RAD54L: variants seen among roughly 807,000 people sequenced by gnomAD.
The protein encoded by RAD54L is DNA repair and recombination protein RAD54-like.
In RAD54L, 74 loss-of-function variants were observed where a neutral mutation model predicts 91.6. That is an observed-to-expected ratio of 0.81 (90% CI 0.67 to 0.98). The LOEUF is 0.98. Ranked by LOEUF, RAD54L falls within the 50% of genes least tolerant of loss-of-function variation. The pLI is 0.00. For missense variants in RAD54L, 887 were observed against 945.7 expected (o/e 0.94, Z 0.81); for synonymous variants, 304 against 349.7 (o/e 0.87, Z 1.46).
intron 8 of RAD54L, among the ~76,000 whole-genome samples, chr1:46,266,432 TG>T (rs1660268421): frequency 1.3e-5 from 2 of 152,228 alleles, no homozygotes; most frequent in South Asian, 2.1e-4. Context: ...TTCCCCAGTA[TG>T]GGGCTGGATG....
In RAD54L at chr1:46,265,162, G is replaced by A. The variant is rs1335047790; in HGVS notation, c.892-2297G>A. 6.6e-6 allele frequency among the ~76,000 whole-genome samples: 1 copy of A among 150,910 alleles called. No individual in the cohort carries two copies. The highest frequency in any genetic ancestry group is 1.5e-5 in the Non-Finnish European group (1 of 67,724). On this transcript the variant is annotated intron_variant, in intron 8 of 17. Transcript: ENST00000371975. The surrounding 1 kb of genome is among the most constrained non-coding windows in gnomAD (Gnocchi z 4.8). Reference sequence around the variant, plus strand: ...AGGCTTTTTTTAGGGCTAGTACTTGGAGCCTCTAATAATTTTTTTTTTCTT... The same window carrying A: ...AGGCTTTTTTTAGGGCTAGTACTTGAAGCCTCTAATAATTTTTTTTTTCTT...
At position 46,260,872 on chromosome 1, in the gene RAD54L, A is replaced by G. The variant is rs766316711; in HGVS notation, c.623A>G (p.Lys208Arg). The G allele has an allele frequency of 6.2e-7, 1 of 1,614,238 alleles. No homozygotes were observed. The highest frequency in any genetic ancestry group is 8.5e-7 in the Non-Finnish European group (1 of 1,180,038). The change falls in exon 7 of 18, where the codon AAG becomes AGG. Residue 208 changes from lysine to arginine, a missense_variant. Physicochemically the swap from Lys to Arg is conservative, Grantham distance 26. Coordinates refer to ENST00000371975, the MANE Select transcript of RAD54L (RefSeq NM_003579.4). Reference protein sequence around the residue: ...WTLLRQSPECKPEIDKAVVVS... With the variant: ...WTLLRQSPECRPEIDKAVVVS... ...CTTTTACGCCAGAGTCCAGAGTGCA[A>G]GCCAGAAATTGACAAGGCAGTGGTG...
Position 46,273,692 on chromosome 1 carries a change from G to T in RAD54L, c.1555G>T (p.Val519Leu). The part of the protein sequence containing the change: ...RSRSSDKVVL[V>L]SNYTQTLDLF... ...CCGTAGCAGTGACAAAGTAGTGCTGGTGTCGAATTACACCCAGACTTTGGA... is the reference window on the plus strand; with the variant it reads ...CCGTAGCAGTGACAAAGTAGTGCTGTTGTCGAATTACACCCAGACTTTGGA... The change falls in exon 14 of 18, where the codon GTG (valine) becomes TTG (leucine). Residue 519 changes from valine to leucine, a missense_variant. Transcript: ENST00000371975. 6.2e-7 allele frequency: 1 copy of T among 1,613,738 alleles called. No individual in the cohort carries two copies. Among genetic ancestry groups the T allele is most frequent in the Non-Finnish European group, 8.5e-7 (1 of 1,179,890 alleles).
chr1:46,273,884 G>C lies in RAD54L; in HGVS notation c.1610+137G>C, dbSNP rs978126669. 8.6e-5 allele frequency: 112 copies of C among 1,303,574 alleles called. 2 individuals carry two copies. Among genetic ancestry groups the C allele is most frequent in the Admixed American group, 3.8e-4 (19 of 50,536 alleles). 80.8% of individuals were successfully genotyped at this position (1,303,574 alleles called of 1,614,324 possible). A position where few individuals can be genotyped will look rare whatever the true frequency, so the allele number is the denominator to read the frequency against. On this transcript the variant is annotated intron_variant, in intron 14 of 17. Transcript: ENST00000371975. ...TGGAGATATCTTCCCTTATTGCTATGATGGCCTCAGCTCTATCTCCAAGTA... is the reference window on the plus strand; with the variant it reads ...TGGAGATATCTTCCCTTATTGCTATCATGGCCTCAGCTCTATCTCCAAGTA...
chr1:46,264,153 T>C (rs897728089), intron 8 of RAD54L, among the ~76,000 whole-genome samples: 43 of 152,248 alleles, frequency 2.8e-4, no homozygotes, highest in African/African-American at 9.6e-4. Context: ...ATGAGCTGAC[T>C]CTGTGCAGGG....
intron 3 of RAD54L, among the ~76,000 whole-genome samples, chr1:46,251,236 C>T (rs1432753484): frequency 1.3e-5 from 2 of 151,848 alleles, no homozygotes; most frequent in Non-Finnish European, 2.9e-5. Flanking sequence ...CACTTGAACC[C>T]GGGAGGCAGC....
Position 46,265,120 on chromosome 1 carries a change from T to A in RAD54L, c.892-2339T>A, listed in dbSNP as rs1399707226. On this transcript the variant is annotated intron_variant, in intron 8 of 17. Coordinates refer to ENST00000371975, the MANE Select transcript of RAD54L (RefSeq NM_003579.4). This position sits in a 1 kb window ranked among gnomAD's most constrained non-coding sequence, Gnocchi z 4.8. ...CTGACTTTCAAGTCTCATTTCCCTC[T>A]TCAGTTCAGAAGTCTAAGGCTTTTT... Among the ~76,000 whole-genome samples the A allele has an allele frequency of 3.9e-5, 6 of 152,210 alleles. No individual in the cohort carries two copies. Among genetic ancestry groups the A allele is most frequent in the African/African-American group, 1.4e-4 (6 of 41,458 alleles).
rs1659685998 is a variant in RAD54L, at chr1:46,247,832, C to T, written c.-574C>T. The T allele has an allele frequency of 2.5e-5, 5 of 201,122 alleles. No homozygotes were observed. Among genetic ancestry groups the T allele is most frequent in the Non-Finnish European group, 4.1e-5 (4 of 96,446 alleles). The allele number at this position is 201,122 out of a possible 1,614,324, so 12.5% of individuals were successfully genotyped here. A position where few individuals can be genotyped will look rare whatever the true frequency, so the allele number is the denominator to read the frequency against. On this transcript the variant is annotated 5_prime_UTR_variant, in exon 1 of 18. Transcript: ENST00000371975. Reference sequence around the variant, plus strand: ...GGGGTCTGCGTCTATCTCTGTCGCTCTTTTCAGCCCCTCCTGGTATTCCCC... The same window carrying T: ...GGGGTCTGCGTCTATCTCTGTCGCTTTTTTCAGCCCCTCCTGGTATTCCCC...
Position 46,260,049 on chromosome 1 carries a change from T to G in RAD54L, c.357T>G (p.Val119=), listed in dbSNP as rs748065279. The change falls in exon 5 of 18, where the codon GTT becomes GTG. Residue 119 remains valine (V), a synonymous_variant. Transcript: ENST00000371975. ...LHDPLEKDAL[V]LYEPPPLSAH... is the part of the protein sequence containing the mutation. ...ACCCCCTGGAAAAAGATGCCTTGGT[T>G]CTGTATGAGCCTCCCCCGCTGAGCG... 6.2e-7 allele frequency: 1 copy of G among 1,614,158 alleles called. No individual in the cohort carries two copies. The highest frequency in any genetic ancestry group is 2.2e-5 in the East Asian group (1 of 44,890).
At chr1:46,264,982 G>T (rs955445610) in intron 8 of RAD54L, among the ~76,000 whole-genome samples, 1 of 152,066 alleles carries the variant, frequency 6.6e-6, no homozygotes, top group Non-Finnish European at 1.5e-5. Flanking sequence ...TTTATTAAGT[G>T]CCTTTTATGT....
Position 46,248,522 on chromosome 1 carries a change from T to C in RAD54L, c.14T>C (p.Leu5Ser). ...GTTCTCCCTTTACAGAGGAGGAGCTTGGCTCCCAGCCAGCTGGCCAAGAGA... is the reference window on the plus strand; with the variant it reads ...GTTCTCCCTTTACAGAGGAGGAGCTCGGCTCCCAGCCAGCTGGCCAAGAGA... Reference protein sequence around the residue: MRRSLAPSQLAKRKP... With the variant: MRRSSAPSQLAKRKP... The change falls in exon 2 of 18, where the codon TTG (leucine) becomes TCG (serine). Residue 5 changes from leucine (L) to serine (S), a missense_variant. Coordinates refer to ENST00000371975, the MANE Select transcript of RAD54L (RefSeq NM_003579.4). 1.2e-6 allele frequency: 2 copies of C among 1,614,130 alleles called. No individual in the cohort carries two copies. The highest frequency in any genetic ancestry group is 1.7e-6 in the Non-Finnish European group (2 of 1,180,026).
rs950756282 is a variant in RAD54L at position 46,261,119 on chromosome 1, A to G, written c.766+104A>G. The G allele has an allele frequency of 1.6e-5, 24 of 1,541,406 alleles. No individual in the cohort carries two copies. In the Admixed American group the frequency reaches 3.0e-4, roughly 19 times the overall value. ...GGGTGGAGGGCAATGCAGGGGTAGA[A>G]GAAAAGAGAATTTCCATTGAAAATA... On this transcript the variant is annotated intron_variant, in intron 7 of 17. Coordinates refer to ENST00000371975, the MANE Select transcript of RAD54L (RefSeq NM_003579.4).
chr1:46,265,354 A>G lies in RAD54L; in HGVS notation c.892-2105A>G, dbSNP rs769599952. Among the ~76,000 whole-genome samples the G allele has an allele frequency of 2.6e-5, 4 of 152,108 alleles. No individual in the cohort carries two copies. The highest frequency in any genetic ancestry group is 5.9e-5 in the Non-Finnish European group (4 of 68,022). On this transcript the variant is annotated intron_variant, in intron 8 of 17. Coordinates refer to ENST00000371975, the MANE Select transcript of RAD54L (RefSeq NM_003579.4). This position sits in a 1 kb window ranked among gnomAD's most constrained non-coding sequence, Gnocchi z 4.8. ...AAAAGTTAGCCCGGCATAGTAACACATGCCTGTAATACCAGCAACTCAGGA... is the reference window on the plus strand; with the variant it reads ...AAAAGTTAGCCCGGCATAGTAACACGTGCCTGTAATACCAGCAACTCAGGA...
intron 16 of RAD54L, among the ~76,000 whole-genome samples, chr1:46,275,550 T>A (rs1660569128): frequency 6.6e-6 from 1 of 152,206 alleles, no homozygotes. Flanking sequence ...TTGGATTATT[T>A]GAGCTGTTTT....
rs199913358 is a variant in RAD54L, at chr1:46,274,079, AT to A, written c.1611-51del. Reference sequence around the variant, plus strand: ...CTTTTTAAAAAAATTTTTATTTTTAATTTTTTTTCCCCCTAATCATTGAAGC... The same window carrying A: ...CTTTTTAAAAAAATTTTTATTTTTAATTTTTTTCCCCCTAATCATTGAAGC... On this transcript the variant is annotated intron_variant, in intron 14 of 17. Transcript: ENST00000371975. 156 of 1,512,142 alleles carry A rather than the reference AT, an allele frequency of 1.0e-4. 1 individual carries two copies. Among genetic ancestry groups the A allele is most frequent in the East Asian group, 7.2e-4 (32 of 44,186 alleles). The allele number at this position is 1,512,142 out of a possible 1,614,324, so 93.7% of individuals were successfully genotyped here.
chr1:46,260,493 T>G (rs1258848946), intron 5 of RAD54L, 49 bp from the exon 6 acceptor site: 1 of 1,568,162 alleles, frequency 6.4e-7, no homozygotes, highest in Admixed American at 1.7e-5. Context: ...CTGAGGGTGC[T>G]CCCTTGCCCA....
intron 3 of RAD54L, among the ~76,000 whole-genome samples, chr1:46,258,323 A>C (rs1030308638): frequency 4.0e-5 from 6 of 151,508 alleles, no homozygotes; most frequent in African/African-American, 1.5e-4. Flanking sequence ...AAAAAAAAAG[A>C]ATTGTGAGGT....
chr1:46,276,996 CA>C (rs1660625292), intron 16 of RAD54L, among the ~76,000 whole-genome samples: 1 of 152,072 alleles, frequency 6.6e-6, no homozygotes, highest in Non-Finnish European at 1.5e-5. Context: ...AGGGTTTTGC[CA>C]TGTTGGTCAG....
intron 8 of RAD54L, among the ~76,000 whole-genome samples, chr1:46,264,271 G>T (rs1185125664): frequency 6.6e-6 from 1 of 152,154 alleles, no homozygotes; most frequent in Non-Finnish European, 1.5e-5. Context: ...GGAACCAAAA[G>T]TCCTGAAAAG....
Sources: allele counts gnomAD v4.1 joint callset (sites outside exome capture counted in the v4.1 genomes callset), GRCh38; gene constraint gnomAD v4.1.1; non-coding constraint Gnocchi (gnomAD v3.1); transcripts MANE v1.5; gene names NCBI Gene and HGNC (gene_info 2026-07-23, HGNC 2026-07-21).